Variants in RBM19 observed in about 807,000 individuals in gnomAD.
The protein encoded by RBM19 is probable RNA-binding protein 19.
A neutral mutation model predicts 116.8 loss-of-function variants in RBM19; 94 were observed. The observed-to-expected ratio is 0.80, with a 90% confidence interval of 0.68 to 0.95. The LOEUF (loss-of-function observed/expected upper bound fraction) is 0.95, where lower values mean the gene tolerates loss of function less well. Ranked by LOEUF, RBM19 falls within the 40% of genes least tolerant of loss-of-function variation. The pLI is 0.00. For synonymous variants in RBM19, 475 were observed against 494.1 expected (o/e 0.96, Z 0.51); for missense variants, 1,161 against 1,220.7 (o/e 0.95, Z 0.73).
chr12:113,888,893 G>A (rs1469490564), intron 21 of RBM19, among the ~76,000 whole-genome samples: 1 of 152,232 alleles, frequency 6.6e-6, no homozygotes, highest in Non-Finnish European at 1.5e-5. Context: ...AATATAGATA[G>A]AAATAAAGGC....
chr12:113,820,513 C>A (rs1211959160), downstream of RBM19, among the ~76,000 whole-genome samples: 1 of 152,002 alleles, frequency 6.6e-6, no homozygotes, highest in Non-Finnish European at 1.5e-5. Flanking sequence ...GGGTGAGCAG[C>A]GGGACTCGAC....
At chr12:113,834,150 C>A (rs1345053552) in intron 23 of RBM19, among the ~76,000 whole-genome samples, 2 of 152,170 alleles carry the variant, frequency 1.3e-5, no homozygotes, top group African/African-American at 4.8e-5. Context: ...AATCATCTGT[C>A]TCCCTCACTC....
At chr12:113,866,853 G>A (rs1878846475) in intron 21 of RBM19, among the ~76,000 whole-genome samples, 1 of 152,212 alleles carries the variant, frequency 6.6e-6, no homozygotes, top group East Asian at 1.9e-4. Context: ...TAGTGGTCCA[G>A]ATTATTTTAA....
intron 21 of RBM19, among the ~76,000 whole-genome samples, chr12:113,895,127 A>G (rs1468870988): frequency 1.3e-5 from 2 of 152,254 alleles, no homozygotes; most frequent in Admixed American, 1.3e-4. Context: ...CTGGATCATC[A>G]AAGATTTCAA....
intron 17 of RBM19, among the ~76,000 whole-genome samples, chr12:113,926,819 C>T (rs777901605): frequency 8.5e-5 from 13 of 152,230 alleles, no homozygotes; most frequent in South Asian, 2.1e-4. Flanking sequence ...GCCTCCAAAG[C>T]GTATGTGGTA....
At chr12:113,892,115 G>A (rs1881002048) in intron 21 of RBM19, among the ~76,000 whole-genome samples, 1 of 152,212 alleles carries the variant, frequency 6.6e-6, no homozygotes, top group Non-Finnish European at 1.5e-5. Flanking sequence ...GCACTTGGAA[G>A]GATAAGAGGC....
intron 18 of RBM19, 133 bp from the exon 19 acceptor site, chr12:113,920,823 A>C: frequency 3.9e-6 from 3 of 778,346 alleles, no homozygotes; most frequent in Non-Finnish European, 6.4e-6. Flanking sequence ...CCCCCCAAAA[A>C]TCTCAGCACC....
chr12:113,956,678 C>T (rs192496198), intron 6 of RBM19, among the ~76,000 whole-genome samples: 2 of 151,966 alleles, frequency 1.3e-5, no homozygotes, highest in East Asian at 3.9e-4. Flanking sequence ...TGTCAAACTG[C>T]TCTGTCTCTG....
In RBM19 at chr12:113,823,028, C is replaced by T; in HGVS notation, c.*196G>A. Reference sequence around the variant, plus strand: ...TGCTAGAACGCGTCACTGGTGAAACCCAGGATGCCTGGGCCGCTGGGCAGT... The same window carrying T: ...TGCTAGAACGCGTCACTGGTGAAACTCAGGATGCCTGGGCCGCTGGGCAGT... On this transcript the variant is annotated 3_prime_UTR_variant, in exon 24 of 24. Transcript: ENST00000261741. 1.7e-6 allele frequency: 1 copy of T among 588,338 alleles called. No individual in the cohort carries two copies. Among genetic ancestry groups the T allele is most frequent in the Non-Finnish European group, 3.0e-6 (1 of 330,954 alleles). The allele number at this position is 588,338 out of a possible 1,614,324, so 36.4% of individuals were successfully genotyped here. A position where few individuals can be genotyped will look rare whatever the true frequency, so the allele number is the denominator to read the frequency against.
Position 113,946,361 on chromosome 12 carries a change from T to C in RBM19, c.1522A>G (p.Ser508Gly). The change falls in exon 12 of 24, where the codon AGT (serine) becomes GGT (glycine). Residue 508 changes from serine (S) to glycine (G), a missense_variant. Transcript: ENST00000261741. ...TTCAGGGGCACTGAGGACCTGGCAC[T>C]GTTGGCTTTGTCCTGGGCCTCCTTC... Reference protein sequence around the residue: ...KKKEAQDKANSASSHNWNTLF... With the variant: ...KKKEAQDKANGASSHNWNTLF... The C allele has an allele frequency of 6.2e-7, 1 of 1,614,124 alleles. No homozygotes were observed. Among genetic ancestry groups the C allele is most frequent in the Non-Finnish European group, 8.5e-7 (1 of 1,180,008 alleles).
At chr12:113,843,053 A>G (rs913813396) in intron 23 of RBM19, among the ~76,000 whole-genome samples, 1 of 152,196 alleles carries the variant, frequency 6.6e-6, no homozygotes, top group African/African-American at 2.4e-5. Flanking sequence ...TGGGGGATGC[A>G]GTCCTGCTGC....
chr12:113,937,478 C>A (rs1870173732), intron 15 of RBM19, among the ~76,000 whole-genome samples: 1 of 152,126 alleles, frequency 6.6e-6, no homozygotes, highest in South Asian at 2.1e-4. Flanking sequence ...GCGACCACAT[C>A]ACTGGTAAAG....
intron 23 of RBM19, among the ~76,000 whole-genome samples, chr12:113,823,529 G>A (rs1874604295): frequency 6.6e-6 from 1 of 151,990 alleles, no homozygotes. Context: ...GAGAGAGGAT[G>A]GGGCAATGAA....
chr12:113,858,769 G>A (rs771199119), intron 22 of RBM19, 22 bp downstream of exon 22: 1 of 1,609,862 alleles, frequency 6.2e-7, no homozygotes, highest in Non-Finnish European at 8.5e-7. Flanking sequence ...TGGACAGGTG[G>A]GGAAGGGATT....
chr12:113,940,662 A>T (rs11066837), intron 14 of RBM19, among the ~76,000 whole-genome samples: 12,572 of 152,256 alleles, frequency 0.083, 651 homozygotes, highest in East Asian at 0.17. Flanking sequence ...GCAGAGCTCC[A>T]GGCAGCCACA....
intron 23 of RBM19, among the ~76,000 whole-genome samples, chr12:113,838,333 G>A (rs1163812026): frequency 1.3e-5 from 2 of 152,222 alleles, no homozygotes; most frequent in African/African-American, 2.4e-5. Context: ...AACTCCACGG[G>A]GAGAATACGT....
chr12:113,908,544 G>A (rs1169893218), intron 21 of RBM19, among the ~76,000 whole-genome samples: 1 of 125,544 alleles, frequency 8.0e-6, no homozygotes, highest in Non-Finnish European at 1.6e-5. Context: ...CACCCTAGCA[G>A]GTGGTTCACA....
intron 21 of RBM19, among the ~76,000 whole-genome samples, chr12:113,862,523 A>G (rs1208641304): frequency 6.6e-6 from 1 of 152,238 alleles, no homozygotes; most frequent in African/African-American, 2.4e-5. Flanking sequence ...CGATATATAA[A>G]TACCAGCCAT....
intron 5 of RBM19, among the ~76,000 whole-genome samples, chr12:113,958,313 C>T (rs754977419): frequency 1.3e-5 from 2 of 152,184 alleles, no homozygotes; most frequent in South Asian, 2.1e-4. Flanking sequence ...GTCCTCTACA[C>T]GGCAGCCTCT....
Sources: allele counts gnomAD v4.1 joint callset (sites outside exome capture counted in the v4.1 genomes callset), GRCh38; gene constraint gnomAD v4.1.1; transcripts MANE v1.5; gene names NCBI Gene and HGNC (gene_info 2026-07-23, HGNC 2026-07-21).